LNX2: variants seen among roughly 807,000 people sequenced by gnomAD.
The protein encoded by LNX2 is ligand of Numb protein X 2.
A neutral mutation model predicts 66.2 loss-of-function variants in LNX2; 35 were observed. The ratio of observed to expected loss-of-function variants is 0.53; its 90% CI spans 0.40 to 0.70. LNX2 has a LOEUF of 0.70. Among genes scored for constraint, LNX2 ranks in the 30% least tolerant of loss-of-function variants. LNX2 has a pLI of 0.00. For missense variants in LNX2, 791 were observed against 850.8 expected (o/e 0.93, Z 0.87); for synonymous variants, 337 against 315.6 (o/e 1.07, Z -0.72).
intron 1 of LNX2, among the ~76,000 whole-genome samples, 176 bp from the exon 2 acceptor site, chr13:27,581,979 A>G (rs1045132300): frequency 6.6e-6 from 1 of 152,194 alleles, no homozygotes; most frequent in African/African-American, 2.4e-5. Flanking sequence ...AGAAGGACTT[A>G]CACTGCCAAG....
chr13:27,615,474 G>C (rs1421605460), intron 1 of LNX2, among the ~76,000 whole-genome samples: 1 of 152,068 alleles, frequency 6.6e-6, no homozygotes, highest in African/African-American at 2.4e-5. Context: ...CATAGGTATG[G>C]TTGGTTAAAT....
intron 1 of LNX2, among the ~76,000 whole-genome samples, chr13:27,618,150 A>T (rs1228323577): frequency 6.6e-6 from 1 of 152,186 alleles, no homozygotes; most frequent in Non-Finnish European, 1.5e-5. Context: ...GAAGTCAAAC[A>T]ACCCAGGATT....
chr13:27,572,591 C>T (rs1350204662), intron 2 of LNX2, among the ~76,000 whole-genome samples: 2 of 152,282 alleles, frequency 1.3e-5, no homozygotes, highest in Middle Eastern at 3.4e-3. Context: ...TTTTTCCTTT[C>T]CTGCTGAAGG....
intron 7 of LNX2, among the ~76,000 whole-genome samples, chr13:27,555,139 A>T (rs1955042295): frequency 6.6e-6 from 1 of 152,066 alleles, no homozygotes; most frequent in African/African-American, 2.4e-5. Flanking sequence ...TGTAGAGACA[A>T]GGTTGTGCCA....
chr13:27,562,377 G>A (rs775488876), intron 5 of LNX2, 36 bp downstream of exon 5: 36 of 1,576,174 alleles, frequency 2.3e-5, no homozygotes, highest in South Asian at 2.1e-4. Flanking sequence ...TGATCATTTC[G>A]GCCAAGCCTT....
At chr13:27,580,060 ATTGT>A (rs1357952076) in intron 2 of LNX2, among the ~76,000 whole-genome samples, 2 of 152,078 alleles carry the variant, frequency 1.3e-5, no homozygotes, top group African/African-American at 4.8e-5. Flanking sequence ...TGTTTTTTTC[ATTGT>A]TTCTCATGTC....
At chr13:27,620,538 G>A (rs925095954), upstream of LNX2, 3 of 173,114 alleles carry the variant, frequency 1.7e-5, no homozygotes, top group African/African-American at 2.4e-5. Flanking sequence ...CTGGCAAAAA[G>A]CAAACTCCGG....
At chr13:27,568,302 T>C (rs1013026387) in intron 3 of LNX2, among the ~76,000 whole-genome samples, 4 of 152,108 alleles carry the variant, frequency 2.6e-5, no homozygotes, top group Non-Finnish European at 4.4e-5. Context: ...AGAAGGCGCA[T>C]AGTTGCGGCA....
chr13:27,550,469 T>C lies in LNX2; in HGVS notation c.1801A>G (p.Ile601Val), dbSNP rs200492157. 2.2e-5 allele frequency: 35 copies of C among 1,614,008 alleles called. No individual in the cohort carries two copies. The East Asian group carries it at 7.6e-4, about 35-fold the overall frequency. ...LPSTLHSCHD[I>V]VLRRSYLGSW... ...CCCAAGTAACTTCTTCGTAAAACTA[T>C]ATCGTGGCAGCTATGAAGTGTGCTA... Residue 601 changes from isoleucine (I) to valine (V), a missense_variant, in exon 9 of 10, where the codon ATA becomes GTA. Physicochemically the swap from Ile to Val is conservative, Grantham distance 29 (BLOSUM62 3). Transcript: ENST00000316334.
intron 5 of LNX2, 74 bp downstream of exon 5, chr13:27,562,339 T>C (rs1274895648): frequency 4.7e-6 from 7 of 1,492,684 alleles, no homozygotes; most frequent in African/African-American, 2.8e-5. Context: ...TCTGATGTTA[T>C]TGGCCAGTGA....
In LNX2 at chr13:27,559,979, C is replaced by T. The variant is rs1400728317; in HGVS notation, c.1231G>A (p.Gly411Arg). Residue 411 changes from glycine to arginine, a missense_variant, in exon 6 of 10, where the codon GGA (glycine) becomes AGA (arginine). Transcript: ENST00000316334. ...ELAAQIIQAS[G>R]ERVNLTIARP... The stretch of plus-strand genomic sequence containing the variant: ...GCAATTGTTAAATTCACTCTCTCTC[C>T]ACTGGCCTGGAGAAAACACAAATAC... 1.9e-6 allele frequency: 3 copies of T among 1,603,510 alleles called. No individual in the cohort carries two copies. The highest frequency in any genetic ancestry group is 2.6e-6 in the Non-Finnish European group (3 of 1,174,652).
intron 1 of LNX2, among the ~76,000 whole-genome samples, chr13:27,602,332 AATCATT>A (rs1419923539): frequency 6.6e-6 from 1 of 152,108 alleles, no homozygotes; most frequent in African/African-American, 2.4e-5. Context: ...TAGAGAACAG[AATCATT>A]ACTCCGGGTT....
chr13:27,612,017 GAGA>G (rs1473825404), intron 1 of LNX2, among the ~76,000 whole-genome samples: 1 of 152,204 alleles, frequency 6.6e-6, no homozygotes, highest in South Asian at 2.1e-4. Context: ...GAGACTTGAA[GAGA>G]TAACAGGCAC....
Position 27,559,949 on chromosome 13 carries a change from G to A in LNX2, c.1261C>T (p.Pro421Ser), listed in dbSNP as rs1955110187. Residue 421 changes from proline to serine, a missense_variant, in exon 6 of 10, where the codon CCA becomes TCA. By Grantham distance (74) the Pro-to-Ser change is moderately conservative (BLOSUM62 -1). Transcript: ENST00000316334. The stretch of plus-strand genomic sequence containing the variant: ...GTGTTACCAGGCTGGGGTTTCCCTG[G>A]TCTAGCAATTGTTAAATTCACTCTC... ...GERVNLTIAR[P>S]GKPQPGNTIR... 1 of 1,609,556 alleles carries A rather than the reference G, an allele frequency of 6.2e-7. No homozygotes were observed. Among genetic ancestry groups the A allele is most frequent in the South Asian group, 1.1e-5 (1 of 90,666 alleles).
chr13:27,562,419 A>G lies in LNX2; in HGVS notation c.1218T>C (p.Ile406=). 6.2e-7 allele frequency: 1 copy of G among 1,612,824 alleles called. No individual in the cohort carries two copies. The highest frequency in any genetic ancestry group is 1.1e-5 in the South Asian group (1 of 90,946). Residue 406 remains isoleucine, a synonymous_variant, in exon 5 of 10, where the codon ATT becomes ATC. Transcript: ENST00000316334. ...GAAGGCCAAGAGGGTTTACCTGAATAATCTGGGCAGCAAGCTCCGGAGTTC... is the reference window on the plus strand; with the variant it reads ...GAAGGCCAAGAGGGTTTACCTGAATGATCTGGGCAGCAAGCTCCGGAGTTC... ...KYGTPELAAQ[I]IQASGERVNL...
At chr13:27,548,896 T>C (rs1382445848) in intron 9 of LNX2, among the ~76,000 whole-genome samples, 1 of 152,248 alleles carries the variant, frequency 6.6e-6, no homozygotes, top group Non-Finnish European at 1.5e-5. Flanking sequence ...TTCTTTCAGC[T>C]GTTGACGCTC....
chr13:27,552,904 A>G (rs2138315591), intron 8 of LNX2, among the ~76,000 whole-genome samples: 1 of 152,358 alleles, frequency 6.6e-6, no homozygotes, highest in South Asian at 2.1e-4. Flanking sequence ...GTCTCAGCAC[A>G]TAGCGGAATG....
chr13:27,567,160 TTATAATCTG>T (rs1331147030), intron 4 of LNX2, among the ~76,000 whole-genome samples: 50 of 152,294 alleles, frequency 3.3e-4, no homozygotes, highest in African/African-American at 1.2e-3. Context: ...GAACTCTATC[TTATAATCTG>T]TGGTATAAAT....
At position 27,553,397 on chromosome 13, in the gene LNX2, A is replaced by C. The variant is rs770461981; in HGVS notation, c.1589T>G (p.Leu530Ter). 6.2e-7 allele frequency: 1 copy of C among 1,614,176 alleles called. No homozygotes were observed. The highest frequency in any genetic ancestry group is 1.1e-5 in the South Asian group (1 of 91,090). Residue 530 changes from leucine to a stop codon, truncating the protein, a stop_gained, in exon 8 of 10, where the codon TTA (leucine) becomes TGA (stop). Transcript: ENST00000316334. LOFTEE classifies it high-confidence loss of function. ...CATTGCAACTGCCTCACTGTGACTT[A>C]AATTGGTCAAATCAATGCCGTTGAT... ...LNINGIDLTN[L>*]SHSEAVAMLK... is the part of the protein sequence containing the mutation.
Sources: gnomAD v4.1 joint callset for allele counts (sites outside exome capture counted in the v4.1 genomes callset) on GRCh38, gnomAD v4.1.1 for gene constraint, MANE v1.5 for transcripts, NCBI Gene and HGNC (gene_info 2026-07-23, HGNC 2026-07-21) for gene names.